CBLN2: variants seen among roughly 807,000 people sequenced by gnomAD.
CBLN2 encodes the protein cerebellin 2 precursor.
Under a neutral mutation model 15.0 loss-of-function variants are expected in CBLN2, and 7 were observed. The observed-to-expected ratio is 0.47, with a 90% CI of 0.27 to 0.88. The LOEUF (loss-of-function observed/expected upper bound fraction) is 0.88. Ranked by LOEUF, CBLN2 falls within the 40% of genes least tolerant of loss-of-function variation. The pLI is 0.14. For missense variants in CBLN2, 242 were observed against 304.5 expected (o/e 0.79, Z 1.53); for synonymous variants, 149 against 135.2 (o/e 1.10, Z -0.71).
intron 1 of CBLN2, among the ~76,000 whole-genome samples, chr18:72,616,412 G>T (rs910354334): frequency 6.6e-6 from 1 of 152,046 alleles, no homozygotes; most frequent in African/African-American, 2.4e-5. Flanking sequence ...CTCGCCTTTG[G>T]GTCCCCCTTT....
intron 1 of CBLN2, among the ~76,000 whole-genome samples, chr18:72,599,039 G>T (rs531103557): frequency 4.6e-5 from 7 of 152,280 alleles, no homozygotes; most frequent in African/African-American, 1.4e-4. Context: ...CGGATTTTGG[G>T]TTCTTGTGAA....
At chr18:72,564,505 T>C (rs1171662465) in intron 1 of CBLN2, among the ~76,000 whole-genome samples, 11 of 152,150 alleles carry the variant, frequency 7.2e-5, no homozygotes, top group African/African-American at 2.4e-4. Flanking sequence ...CCTAGTCAGA[T>C]AGTCAGAGAT....
upstream of CBLN2, among the ~76,000 whole-genome samples, chr18:72,549,212 A>G (rs978044305): frequency 1.3e-5 from 2 of 152,014 alleles, no homozygotes; most frequent in African/African-American, 4.8e-5. Context: ...GGGTTTCACC[A>G]TGTTGGCCAG....
At chr18:72,566,177 C>T (rs916564713) in intron 1 of CBLN2, among the ~76,000 whole-genome samples, 69 of 152,090 alleles carry the variant, frequency 4.5e-4, no homozygotes, top group African/African-American at 1.5e-3. Flanking sequence ...CAGGTGTTGG[C>T]CAGGATATGG....
At chr18:72,613,282 G>A (rs1381803843) in intron 1 of CBLN2, among the ~76,000 whole-genome samples, 8 of 152,062 alleles carry the variant, frequency 5.3e-5, no homozygotes, top group Non-Finnish European at 1.5e-5. Flanking sequence ...CTTAAAAAGG[G>A]TCTTTCTTCT....
rs896628957 is a variant in CBLN2, at chr18:72,537,166, G to A, written c.*1010C>T. On this transcript the variant is annotated 3_prime_UTR_variant, in exon 5 of 5. Transcript: ENST00000269503. ...AGACATAGTATGTTTAGGGGACTTGGTCATTACAGCTTCCATTACCAACTT... is the reference window on the plus strand; with the variant it reads ...AGACATAGTATGTTTAGGGGACTTGATCATTACAGCTTCCATTACCAACTT... The A allele has an allele frequency of 7.2e-5, 11 of 152,146 alleles. No individual in the cohort carries two copies. The highest frequency in any genetic ancestry group is 6.8e-3 in the Middle Eastern group (2 of 294). The allele number at this position is 152,146 out of a possible 1,614,324, so 9.4% of individuals were successfully genotyped here.
Position 72,542,250 on chromosome 18 carries a change from G to T in CBLN2, c.-90C>A. 1.1e-6 allele frequency: 1 copy of T among 873,226 alleles called. No individual in the cohort carries two copies. Among genetic ancestry groups the T allele is most frequent in the Non-Finnish European group, 1.5e-6 (1 of 686,974 alleles). The allele number at this position is 873,226 out of a possible 1,614,324, so 54.1% of individuals were successfully genotyped here. On this transcript the variant is annotated 5_prime_UTR_variant, in exon 3 of 5. In the 5' UTR this introduces an upstream ATG that the reference lacks. Coordinates refer to ENST00000269503, the MANE Select transcript of CBLN2 (RefSeq NM_182511.4). ...CGCGAAGGAACGCGCGGAGCTCGCA[G>T]CAGCCTCCGGGGGCCTTCGTCCCCG...
At chr18:72,612,160 A>T (rs1188682452) in intron 1 of CBLN2, among the ~76,000 whole-genome samples, 1 of 152,122 alleles carries the variant, frequency 6.6e-6, no homozygotes, top group Non-Finnish European at 1.5e-5. Context: ...AGTATAATTT[A>T]AATCAGGTAG....
intron 1 of CBLN2, among the ~76,000 whole-genome samples, chr18:72,578,953 CTCTGTGTCACAA>C (rs1323890531): frequency 6.6e-5 from 10 of 152,302 alleles, no homozygotes; most frequent in African/African-American, 2.2e-4. Flanking sequence ...CCATGTCGCT[CTCTGTGTCACAA>C]TCTGTGTCAC....
upstream of CBLN2, among the ~76,000 whole-genome samples, chr18:72,549,333 C>A (rs1027234133): frequency 1.3e-5 from 2 of 152,162 alleles, no homozygotes; most frequent in African/African-American, 4.8e-5. Flanking sequence ...AAGCTTGCAG[C>A]TGATGCTGAT....
At chr18:72,576,202 T>C (rs2144912354) in intron 1 of CBLN2, among the ~76,000 whole-genome samples, 1 of 152,338 alleles carries the variant, frequency 6.6e-6, no homozygotes, top group Non-Finnish European at 1.5e-5. Flanking sequence ...ATGTGGTTTA[T>C]TAATGGTGAC....
At chr18:72,584,366 C>T (rs1363996978) in intron 1 of CBLN2, among the ~76,000 whole-genome samples, 2 of 151,506 alleles carry the variant, frequency 1.3e-5, no homozygotes, top group Non-Finnish European at 2.9e-5. Context: ...GGCTGGAGTG[C>T]AGTGGTGCAA....
intron 1 of CBLN2, among the ~76,000 whole-genome samples, chr18:72,609,522 C>T (rs1274800370): frequency 6.6e-6 from 1 of 152,126 alleles, no homozygotes; most frequent in South Asian, 2.1e-4. Context: ...CAAGAAAAAA[C>T]TTTATTTCGC....
intron 1 of CBLN2, among the ~76,000 whole-genome samples, chr18:72,607,367 A>G (rs1158688601): frequency 6.6e-6 from 1 of 152,184 alleles, no homozygotes; most frequent in Non-Finnish European, 1.5e-5. Flanking sequence ...TATCCGCCCC[A>G]CTTGGAAATG....
chr18:72,564,882 G>C (rs893156289), intron 1 of CBLN2, among the ~76,000 whole-genome samples: 1 of 152,142 alleles, frequency 6.6e-6, no homozygotes, highest in Non-Finnish European at 1.5e-5. Flanking sequence ...CAAAGTCAGA[G>C]AGAGAACTCT....
intron 1 of CBLN2, among the ~76,000 whole-genome samples, chr18:72,612,404 C>T (rs1310763457): frequency 6.6e-6 from 1 of 152,116 alleles, no homozygotes. Context: ...TGTGTGTCTG[C>T]TTTCTATGTT....
In CBLN2 at chr18:72,596,298, T is replaced by C. The variant is rs537437761; in HGVS notation, c.15+42027A>G. ...AAAAAATTAATAAAAACTCTGTTTTTTATTAATAAAAAATTAATAAAAACA... is the reference window on the plus strand; with the variant it reads ...AAAAAATTAATAAAAACTCTGTTTTCTATTAATAAAAAATTAATAAAAACA... On this transcript the variant is annotated intron_variant, in intron 1 of 2. Transcript: ENST00000581073. Among the ~76,000 whole-genome samples the C allele has an allele frequency of 5.2e-4, 79 of 152,300 alleles. 2 individuals are homozygous for C. In the South Asian group the frequency reaches 0.014, roughly 26 times the overall value.
chr18:72,581,665 G>T (rs1174605096), intron 1 of CBLN2, among the ~76,000 whole-genome samples: 1 of 152,090 alleles, frequency 6.6e-6, no homozygotes, highest in South Asian at 2.1e-4. Context: ...CATGTGTTGC[G>T]AATAACATCT....
intron 1 of CBLN2, among the ~76,000 whole-genome samples, chr18:72,555,101 C>T (rs1488609718): frequency 6.6e-6 from 1 of 150,530 alleles, no homozygotes; most frequent in East Asian, 1.9e-4. Flanking sequence ...TGCCACTGCA[C>T]TCCAGCCTGG....
Sources: gnomAD v4.1 joint callset for allele counts (sites outside exome capture counted in the v4.1 genomes callset) on GRCh38, gnomAD v4.1.1 for gene constraint, MANE v1.5 for transcripts, NCBI Gene and HGNC (gene_info 2026-07-23, HGNC 2026-07-21) for gene names.